The following TYW1 variants were observed in gnomAD, a reference collection of about 807,000 sequenced individuals.
The protein encoded by TYW1 is tRNA-yW synthesizing protein 1 homolog.
TYW1 carries 46 observed loss-of-function variants against 96.2 expected under a neutral mutation model. The observed-to-expected ratio is 0.48, with a 90% CI of 0.38 to 0.61. TYW1 has a LOEUF of 0.61. Ranked by LOEUF, TYW1 falls within the 20% of genes least tolerant of loss-of-function variation. The probability of loss-of-function intolerance (pLI) is 0.00; values close to 1 mark genes in which losing one functional copy is unlikely to be tolerated. For synonymous variants in TYW1, 274 were observed against 323.0 expected (o/e 0.85, Z 1.63); for missense variants, 684 against 909.6 (o/e 0.75, Z 3.19).
intron 13 of TYW1, among the ~76,000 whole-genome samples, chr7:67,131,270 G>A (rs1798064730): frequency 6.6e-6 from 1 of 152,036 alleles, no homozygotes; most frequent in Non-Finnish European, 1.5e-5. Context: ...AAAACACCTA[G>A]AAACATTACA....
At chr7:67,082,286 C>G (rs1388451642) in intron 10 of TYW1, among the ~76,000 whole-genome samples, 6 of 151,972 alleles carry the variant, frequency 3.9e-5, no homozygotes, top group South Asian at 2.1e-4. Flanking sequence ...GAAAGACTTT[C>G]CTGGAGAAGT....
At chr7:67,029,407 G>GTATATATATA (rs1453768398) in intron 7 of TYW1, among the ~76,000 whole-genome samples, 6 of 96,224 alleles carry the variant, frequency 6.2e-5, no homozygotes, top group African/African-American at 2.3e-4. Flanking sequence ...GTGTGTGTGT[G>GTATATATATA]TGTGTGTGTA....
At chr7:67,148,119 G>A (rs2116148168) in intron 13 of TYW1, among the ~76,000 whole-genome samples, 1 of 152,108 alleles carries the variant, frequency 6.6e-6, no homozygotes, top group East Asian at 1.9e-4. Flanking sequence ...GGGTTTGTGG[G>A]GGGGCTTTGA....
At chr7:67,046,165 G>A (rs1288116386) in intron 7 of TYW1, among the ~76,000 whole-genome samples, 3 of 152,158 alleles carry the variant, frequency 2.0e-5, no homozygotes, top group Non-Finnish European at 2.9e-5. Context: ...GATTTGATTG[G>A]AGCATGCCGT....
intron 11 of TYW1, 105 bp downstream of exon 11, chr7:67,083,644 T>G (rs1796450682): frequency 1.6e-6 from 2 of 1,276,616 alleles, no homozygotes; most frequent in Non-Finnish European, 2.2e-6. Flanking sequence ...CACTGGCAAA[T>G]TTTCCTCTAA....
chr7:67,235,588 G>C (rs985738710), intron 15 of TYW1, among the ~76,000 whole-genome samples: 9 of 152,098 alleles, frequency 5.9e-5, no homozygotes, highest in Non-Finnish European at 1.3e-4. Flanking sequence ...TGGTCTTCTA[G>C]ATTTGTTAAG....
At chr7:67,128,510 T>A (rs1316455284) in intron 13 of TYW1, among the ~76,000 whole-genome samples, 1 of 152,180 alleles carries the variant, frequency 6.6e-6, no homozygotes, top group Non-Finnish European at 1.5e-5. Flanking sequence ...AGAGCCTGGT[T>A]TGGATCCTTG....
intron 6 of TYW1, among the ~76,000 whole-genome samples, chr7:67,024,027 T>G (rs1562970756): frequency 6.6e-6 from 1 of 152,140 alleles, no homozygotes; most frequent in African/African-American, 2.4e-5. Context: ...TTCCCAGTGA[T>G]GTCACATTTC....
intron 8 of TYW1, among the ~76,000 whole-genome samples, chr7:67,054,237 T>C (rs1163441167): frequency 6.6e-6 from 1 of 152,124 alleles, no homozygotes; most frequent in East Asian, 1.9e-4. Flanking sequence ...ATATTTGTGC[T>C]GTGGTCAACT....
chr7:67,045,221 T>A (rs545283223), intron 7 of TYW1, among the ~76,000 whole-genome samples: 1 of 152,088 alleles, frequency 6.6e-6, no homozygotes, highest in Non-Finnish European at 1.5e-5. Flanking sequence ...AAATTTTTTT[T>A]ATTTTTAGAG....
rs1794401720 is a variant in TYW1, at chr7:67,024,960, C to T, written c.922C>T (p.Leu308=). Residue 308 remains leucine (L), a synonymous_variant, in exon 7 of 16, where the codon CTA becomes TTA. Coordinates refer to ENST00000359626, the MANE Select transcript of TYW1 (RefSeq NM_018264.4). ...EEFGGEDHQS[L]NSIVDVEDLG... Reference sequence around the variant, plus strand: ...GTTTGGTGGTGAGGACCATCAGAGCCTAAATTCCATTGTTGATGTTGAAGA... The same window carrying T: ...GTTTGGTGGTGAGGACCATCAGAGCTTAAATTCCATTGTTGATGTTGAAGA... 3 of 1,613,802 alleles carry T rather than the reference C, an allele frequency of 1.9e-6. No homozygotes were observed. In the East Asian group the frequency reaches 6.7e-5, roughly 36 times the overall value.
chr7:67,089,865 G>A (rs541083318), intron 11 of TYW1, among the ~76,000 whole-genome samples: 94 of 152,204 alleles, frequency 6.2e-4, no homozygotes, highest in Middle Eastern at 3.4e-3. Context: ...GCCACTCAGC[G>A]TCTATTCAAA....
chr7:67,211,567 T>C (rs538049541), intron 15 of TYW1, among the ~76,000 whole-genome samples: 2 of 152,210 alleles, frequency 1.3e-5, no homozygotes, highest in Non-Finnish European at 2.9e-5. Flanking sequence ...GAGAAATACA[T>C]GTGTGTATCC....
chr7:67,110,054 T>G (rs1318719733), intron 12 of TYW1, among the ~76,000 whole-genome samples: 1 of 152,190 alleles, frequency 6.6e-6, no homozygotes, highest in Non-Finnish European at 1.5e-5. Flanking sequence ...ACAGGGGTTG[T>G]CTTTATTTGA....
intron 15 of TYW1, among the ~76,000 whole-genome samples, chr7:67,207,681 C>CTTCTTCTTTTT (rs71052407): frequency 2.6e-5 from 3 of 116,580 alleles, no homozygotes; most frequent in African/African-American, 9.7e-5. Context: ...TTTTGTTTGC[C>CTTCTTCTTTTT]TTTTTTTTTT....
intron 2 of TYW1, 37 bp downstream of exon 2, chr7:66,998,232 G>T: frequency 6.3e-7 from 1 of 1,580,298 alleles, no homozygotes; most frequent in Admixed American, 2.1e-5. Flanking sequence ...GGAGTATTTA[G>T]GCATCAGATT....
chr7:67,166,310 A>C (rs981090072), intron 13 of TYW1, among the ~76,000 whole-genome samples: 1 of 143,966 alleles, frequency 6.9e-6, no homozygotes, highest in African/African-American at 2.6e-5. Flanking sequence ...AGTACTTTTT[A>C]TATATAATAT....
At chr7:67,226,445 C>G (rs184763352) in intron 15 of TYW1, among the ~76,000 whole-genome samples, 1 of 152,126 alleles carries the variant, frequency 6.6e-6, no homozygotes, top group Admixed American at 6.6e-5. Flanking sequence ...CCACCCAGCT[C>G]GATAAACTGG....
intron 15 of TYW1, among the ~76,000 whole-genome samples, chr7:67,215,887 T>G (rs749998796): frequency 6.6e-6 from 1 of 152,166 alleles, no homozygotes; most frequent in Non-Finnish European, 1.5e-5. Flanking sequence ...CACTGGAAAC[T>G]GATTAAATTG....
Sources: gnomAD v4.1 joint callset for allele counts (sites outside exome capture counted in the v4.1 genomes callset) on GRCh38, gnomAD v4.1.1 for gene constraint, MANE v1.5 for transcripts, NCBI Gene and HGNC (gene_info 2026-07-23, HGNC 2026-07-21) for gene names.